HTR2C: variants seen among roughly 807,000 people sequenced by gnomAD.
HTR2C encodes the protein 5-hydroxytryptamine receptor 2C, also known as 5-hydroxytryptamine (serotonin) receptor 2C, G protein-coupled.
HTR2C carries 5 observed loss-of-function variants against 21.0 expected under a neutral mutation model. The ratio of observed to expected loss-of-function variants is 0.24; its 90% CI spans 0.12 to 0.50. The LOEUF (loss-of-function observed/expected upper bound fraction) is 0.50, where lower values mean the gene tolerates loss of function less well. Among genes scored for constraint, HTR2C ranks in the 20% least tolerant of loss-of-function variants. The probability of loss-of-function intolerance (pLI) is 0.98; values close to 1 mark genes in which losing one functional copy is unlikely to be tolerated. For synonymous variants in HTR2C, 150 were observed against 145.3 expected (o/e 1.03, Z -0.23); for missense variants, 271 against 371.2 (o/e 0.73, Z 2.22).
intron 2 of HTR2C, among the ~76,000 whole-genome samples, chrX:114,724,477 A>T (rs1417014729): frequency 1.1e-5 from 1 of 94,647 alleles, no homozygotes; most frequent in African/African-American, 3.7e-5. Flanking sequence ...CCAATTTGCC[A>T]GTCTGTGTCT....
At position 114,699,595 on chromosome X, in the gene HTR2C, A is replaced by T. The variant is rs73565318; in HGVS notation, c.-79-27263A>T. 5.0e-3 allele frequency among the ~76,000 whole-genome samples: 553 copies of T among 111,665 alleles called. 3 individuals carry two copies. The highest frequency in any genetic ancestry group is 0.017 in the African/African-American group (532 of 30,733). ...AATATCAGCATGAATTATTTTCTTT[A>T]TTCCTCATTAAGTGTATTTTGTTAG... On this transcript the variant is annotated intron_variant, in intron 2 of 5. Coordinates refer to ENST00000276198, the MANE Select transcript of HTR2C (RefSeq NM_000868.4).
intron 5 of HTR2C, among the ~76,000 whole-genome samples, chrX:114,868,535 G>A (rs140717982): frequency 0.024 from 2,667 of 111,682 alleles, 93 homozygotes; most frequent in African/African-American, 0.083. Context: ...CAGCAGGAAT[G>A]TGCTACCATG....
intron 1 of HTR2C, among the ~76,000 whole-genome samples, chrX:114,595,281 G>A (rs782501066): frequency 9.0e-6 from 1 of 110,856 alleles, no homozygotes; most frequent in Non-Finnish European, 1.9e-5. Context: ...GCAGTCATGC[G>A]ATCATAGCTC....
chrX:114,737,475 C>A (rs1359864289), intron 4 of HTR2C, among the ~76,000 whole-genome samples: 1 of 111,101 alleles, frequency 9.0e-6, no homozygotes, highest in Non-Finnish European at 1.9e-5. Context: ...CCGCCTCAGT[C>A]TCCCAAAGTG....
At chrX:114,900,738 A>G (rs1306131978) in intron 5 of HTR2C, among the ~76,000 whole-genome samples, 1 of 111,848 alleles carries the variant, frequency 8.9e-6, no homozygotes, top group African/African-American at 3.3e-5. Flanking sequence ...GTATTCTCTA[A>G]TCTCTTTTGT....
chrX:114,701,778 A>T (rs782314485), intron 2 of HTR2C, among the ~76,000 whole-genome samples: 5 of 112,005 alleles, frequency 4.5e-5, no homozygotes, highest in African/African-American at 1.6e-4. Flanking sequence ...ACAGGAGGAA[A>T]TTCAAACCAA....
intron 4 of HTR2C, among the ~76,000 whole-genome samples, chrX:114,807,569 A>G (rs1363589745): frequency 9.4e-6 from 1 of 106,943 alleles, no homozygotes; most frequent in African/African-American, 3.4e-5. Flanking sequence ...CAGACATACA[A>G]TGGCTAATAA....
At chrX:114,703,660 C>G (rs1266164346) in intron 2 of HTR2C, among the ~76,000 whole-genome samples, 1 of 110,956 alleles carries the variant, frequency 9.0e-6, no homozygotes, top group Non-Finnish European at 1.9e-5. Flanking sequence ...ACTAGAAAAG[C>G]AAGAGCAAAC....
intron 4 of HTR2C, among the ~76,000 whole-genome samples, chrX:114,742,121 G>A (rs1432718659): frequency 5.4e-5 from 6 of 111,409 alleles, no homozygotes; most frequent in Non-Finnish European, 9.4e-5. Flanking sequence ...GATAGTATGA[G>A]CACTAAAATT....
intron 2 of HTR2C, among the ~76,000 whole-genome samples, chrX:114,640,102 C>A (rs782588131): frequency 3.3e-3 from 368 of 111,281 alleles, no homozygotes; most frequent in African/African-American, 0.011. Context: ...TTGTTCGACA[C>A]ATATTTATAT....
intron 2 of HTR2C, among the ~76,000 whole-genome samples, chrX:114,672,987 TA>T (rs1179246062): frequency 8.9e-6 from 1 of 112,103 alleles, no homozygotes; most frequent in African/African-American, 3.2e-5. Flanking sequence ...AGGATTTAGT[TA>T]AATCTCATCT....
intron 5 of HTR2C, among the ~76,000 whole-genome samples, chrX:114,852,011 A>G (rs1000832782): frequency 9.9e-5 from 11 of 111,276 alleles, no homozygotes; most frequent in Non-Finnish European, 2.1e-4. Context: ...TTTATTATTT[A>G]TATTTTCTAT....
At chrX:114,883,527 CT>C (rs1204699627) in intron 5 of HTR2C, among the ~76,000 whole-genome samples, 6 of 108,986 alleles carry the variant, frequency 5.5e-5, no homozygotes, top group Admixed American at 3.0e-4. Context: ...TGACTTGAGA[CT>C]TTTTTTTTCT....
chrX:114,726,956 C>A lies in HTR2C; in HGVS notation c.20C>A (p.Ala7Glu), dbSNP rs201115463. MVNLRN[A>E]VHSFLVHLIG... ...GCAATCATGGTGAACCTGAGGAATGCGGTGCATTCATTCCTGTAAGGATGT... is the reference window on the plus strand; with the variant it reads ...GCAATCATGGTGAACCTGAGGAATGAGGTGCATTCATTCCTGTAAGGATGT... Residue 7 changes from alanine (A) to glutamate (E), a missense_variant, in exon 3 of 6, where the codon GCG becomes GAG. By Grantham distance (107) the Ala-to-Glu change is moderately radical. Coordinates refer to ENST00000276198, the MANE Select transcript of HTR2C (RefSeq NM_000868.4). 1.4e-5 allele frequency: 16 copies of A among 1,114,838 alleles called. No individual in the cohort carries two copies. The highest frequency in any genetic ancestry group is 2.2e-5 in the South Asian group (1 of 45,549). The allele number at this position is 1,114,838 out of a possible 1,213,427, so 91.9% of individuals were successfully genotyped here.
At chrX:114,821,161 T>C (rs782702739) in intron 4 of HTR2C, among the ~76,000 whole-genome samples, 1 of 111,357 alleles carries the variant, frequency 9.0e-6, no homozygotes, top group South Asian at 3.8e-4. Context: ...AGATGTTTTT[T>C]CAAGCCTTGG....
chrX:114,892,536 A>T (rs1332912678), intron 5 of HTR2C, among the ~76,000 whole-genome samples: 1 of 111,946 alleles, frequency 8.9e-6, no homozygotes, highest in African/African-American at 3.2e-5. Flanking sequence ...AAAATGAAAA[A>T]TTTACTAATA....
chrX:114,586,461 A>T (rs1927398804), intron 1 of HTR2C, among the ~76,000 whole-genome samples: 1 of 112,107 alleles, frequency 8.9e-6, no homozygotes, highest in African/African-American at 3.2e-5. Flanking sequence ...CTTTCCTAAT[A>T]GCGTCTATCA....
At position 114,601,153 on chromosome X, in the gene HTR2C, C is replaced by CT. The variant is rs200400844; in HGVS notation, c.-146-12653dup. The stretch of plus-strand genomic sequence containing the variant: ...GAATTCATTAGCTTTTAAACTCTTT[C>CT]TTTTTTTTTAGGAAAATCACCAGTG... On this transcript the variant is annotated intron_variant, in intron 1 of 5. Coordinates refer to ENST00000276198, the MANE Select transcript of HTR2C (RefSeq NM_000868.4). 1.4e-3 allele frequency among the ~76,000 whole-genome samples: 158 copies of CT among 110,158 alleles called. 1 individual carries two copies. The highest frequency in any genetic ancestry group is 4.4e-3 in the African/African-American group (135 of 30,356).
chrX:114,732,642 C>A (rs1602730062), intron 4 of HTR2C, among the ~76,000 whole-genome samples: 1 of 111,370 alleles, frequency 9.0e-6, no homozygotes, highest in African/African-American at 3.3e-5. Context: ...TATTCTTCAT[C>A]GAGTTTCAAT....
Sources: allele counts gnomAD v4.1 joint callset (sites outside exome capture counted in the v4.1 genomes callset), GRCh38; gene constraint gnomAD v4.1.1; transcripts MANE v1.5; gene names NCBI Gene and HGNC (gene_info 2026-07-23, HGNC 2026-07-21).